The following PCM1 variants were observed in gnomAD, a reference collection of about 807,000 sequenced individuals.
PCM1 encodes pericentriolar material 1, also known as pericentriolar material 1 protein.
PCM1 carries 157 observed loss-of-function variants against 241.9 expected under a neutral mutation model. That is an observed-to-expected ratio of 0.65 (90% CI 0.57 to 0.74). The LOEUF (loss-of-function observed/expected upper bound fraction) is 0.74, where lower values mean the gene tolerates loss of function less well. Ranked by LOEUF, PCM1 falls within the 30% of genes least tolerant of loss-of-function variation. PCM1 has a pLI of 0.00. For missense variants in PCM1, 3,478 were observed against 2,360.1 expected, an observed-to-expected ratio of 1.47 and a Z score of -9.81; for synonymous variants, 1,085 against 784.9, an observed-to-expected ratio of 1.38 and a Z score of -6.39.
chr8:17,923,808 C>T (rs1315795086), intron 1 of PCM1, among the ~76,000 whole-genome samples: 4 of 152,086 alleles, frequency 2.6e-5, no homozygotes, highest in Non-Finnish European at 5.9e-5. Context: ...TTCTTTCTCC[C>T]TTCCTACCTA....
At position 17,960,700 on chromosome 8, in the gene PCM1, A is replaced by G. The variant is rs751844775; in HGVS notation, c.2322+256A>G. 7.3e-4 allele frequency among the ~76,000 whole-genome samples: 111 copies of G among 151,438 alleles called. 1 individual carries two copies. The highest frequency in any genetic ancestry group is 1.5e-3 in the South Asian group (7 of 4,806). ...CCACCATGCCTGGCTAATTTTTTGT[A>G]TTTTTGGTAGAGACAGGGTTTCACA... On this transcript the variant is annotated intron_variant, in intron 15 of 38. Transcript: ENST00000325083.
intron 22 of PCM1, 38 bp downstream of exon 22, chr8:17,969,786 C>G (rs1361792671): frequency 6.9e-7 from 1 of 1,443,316 alleles, no homozygotes; most frequent in Non-Finnish European, 9.6e-7. Flanking sequence ...CTTAAACATT[C>G]ACTTTTGTGA....
chr8:17,972,564 A>G lies in PCM1; in HGVS notation c.3820A>G (p.Thr1274Ala), dbSNP rs2077199321. Residue 1274 changes from threonine to alanine, a missense_variant, in exon 23 of 39, where the codon ACT becomes GCT. Coordinates refer to ENST00000325083, the MANE Select transcript of PCM1 (RefSeq NM_006197.4). ...TGATCCAGTAGATCCAACAACAGTG[A>G]CTAAAACATTCAAGACAAGAAAAGC... ...MPDPVDPTTV[T>A]KTFKTRKASA... 6.2e-7 allele frequency: 1 copy of G among 1,613,744 alleles called. No homozygotes were observed. The highest frequency in any genetic ancestry group is 1.7e-5 in the Admixed American group (1 of 60,010).
At position 17,967,095 on chromosome 8, in the gene PCM1, C is replaced by G; in HGVS notation, c.3337C>G (p.Pro1113Ala). 1 of 1,607,890 alleles carries G rather than the reference C, an allele frequency of 6.2e-7. No homozygotes were observed. The highest frequency in any genetic ancestry group is 8.5e-7 in the Non-Finnish European group (1 of 1,176,892). The change falls in exon 21 of 39, where the codon CCT becomes GCT. Residue 1113 changes from proline (P) to alanine (A), a missense_variant. Coordinates refer to ENST00000325083, the MANE Select transcript of PCM1 (RefSeq NM_006197.4). ...SHPPSPSLFCPFSFPTQPVNL... is the reference protein window; with the variant it reads ...SHPPSPSLFCAFSFPTQPVNL... ...CCCTCCTTCTCCCAGTTTATTTTGT[C>G]CTTTCAGCTTTCCAACACAGCCTGT...
chr8:17,929,544 T>C (rs2058293757), intron 2 of PCM1, among the ~76,000 whole-genome samples: 1 of 152,188 alleles, frequency 6.6e-6, no homozygotes, highest in African/African-American at 2.4e-5. Context: ...CTCATCATCA[T>C]CCTCTCTCAA....
chr8:17,984,805 A>C (rs554537995), intron 24 of PCM1, among the ~76,000 whole-genome samples: 2 of 152,118 alleles, frequency 1.3e-5, no homozygotes, highest in East Asian at 1.9e-4. Context: ...AGATTCTGTG[A>C]AACTGAAAAC....
chr8:17,999,568 C>T (rs373832731), intron 29 of PCM1, among the ~76,000 whole-genome samples: 6 of 152,054 alleles, frequency 3.9e-5, no homozygotes, highest in Admixed American at 2.0e-4. Context: ...TCCTTGCTCT[C>T]GTCTCCTCAA....
chr8:17,982,490 GA>G (rs1280877270), intron 24 of PCM1: 33 of 127,830 alleles, frequency 2.6e-4, no homozygotes, highest in Admixed American at 1.9e-3. Flanking sequence ...ATTCTGAAAA[GA>G]TTAAAAAAAA....
intron 29 of PCM1, among the ~76,000 whole-genome samples, chr8:17,997,854 G>A (rs966610232): frequency 4.0e-5 from 6 of 149,126 alleles, no homozygotes; most frequent in East Asian, 2.0e-4. Flanking sequence ...GTGAAACCCC[G>A]CCTCTACTAC....
chr8:18,009,748 A>C lies in PCM1; in HGVS notation c.5160+4A>C, dbSNP rs2129485165. 3 of 1,418,612 alleles carry C rather than the reference A, an allele frequency of 2.1e-6. No individual in the cohort carries two copies. The South Asian group carries it at 5.5e-5, about 26-fold the overall frequency. 87.9% of individuals were successfully genotyped at this position (1,418,612 alleles called of 1,614,324 possible). A position where few individuals can be genotyped will look rare whatever the true frequency, so the allele number is the denominator to read the frequency against. On this transcript the variant is annotated splice_donor_region_variant and intron_variant, in intron 31 of 38. Transcript: ENST00000325083. The stretch of plus-strand genomic sequence containing the variant: ...GATACAATCTTGTGCCAAAGAGGTA[A>C]ATAACGTTCATTTTGATTTTTAGGA...
In PCM1 at chr8:17,939,756, T is replaced by C; in HGVS notation, c.678T>C (p.Leu226=). ...ITKASSMRED[L]VEKNERSANV... is the part of the protein sequence containing the mutation. Reference sequence around the variant, plus strand: ...AAGCTAGTTCCATGCGGGAAGATCTTGTAGAGAAAAATGAGAGATCTGCTA... The same window carrying C: ...AAGCTAGTTCCATGCGGGAAGATCTCGTAGAGAAAAATGAGAGATCTGCTA... Residue 226 remains leucine, a synonymous_variant, in exon 6 of 39, where the codon CTT becomes CTC. Transcript: ENST00000325083. 3 of 1,557,158 alleles carry C rather than the reference T, an allele frequency of 1.9e-6. No homozygotes were observed. Among genetic ancestry groups the C allele is most frequent in the Non-Finnish European group, 2.6e-6 (3 of 1,146,472 alleles).
At chr8:18,020,372 T>A (rs1185853507) in intron 36 of PCM1, among the ~76,000 whole-genome samples, 1 of 152,190 alleles carries the variant, frequency 6.6e-6, no homozygotes, top group South Asian at 2.1e-4. Flanking sequence ...ACACGTGCAG[T>A]TGAAAGCTCA....
At chr8:17,932,586 C>T (rs1035435465) in intron 2 of PCM1, among the ~76,000 whole-genome samples, 6 of 151,834 alleles carry the variant, frequency 4.0e-5, no homozygotes, top group African/African-American at 1.5e-4. Context: ...AACAAATTCT[C>T]TGTATAACAA....
chr8:18,018,838 ATGTGTGTGTG>A (rs150553994), intron 36 of PCM1, among the ~76,000 whole-genome samples: 1 of 122,912 alleles, frequency 8.1e-6, no homozygotes, highest in Non-Finnish European at 1.6e-5. Context: ...ATATATATAT[ATGTGTGTGTG>A]TGTGTATATA....
chr8:17,931,296 CTT>C (rs1229238796), intron 2 of PCM1, among the ~76,000 whole-genome samples: 3 of 145,624 alleles, frequency 2.1e-5, no homozygotes, highest in Admixed American at 6.9e-5. Flanking sequence ...CAGATATATT[CTT>C]TTTTTTTTTT....
chr8:17,941,867 C>T (rs1267878147), intron 6 of PCM1, among the ~76,000 whole-genome samples: 1 of 151,900 alleles, frequency 6.6e-6, no homozygotes. Context: ...TGGGAAGTCT[C>T]TAAATGAGCA....
chr8:17,966,994 T>A lies in PCM1; in HGVS notation c.3236T>A (p.Leu1079Gln), dbSNP rs2075124357. Residue 1079 changes from leucine to glutamine, a missense_variant, in exon 21 of 39, where the codon CTA becomes CAA. Leu to Gln is a moderately radical substitution (Grantham distance 113). Transcript: ENST00000325083. ...AATCTTTGTAGGTTGAAACAAATGCTAAATGAACTTATGCGCCAGCAAAAT... is the reference window on the plus strand; with the variant it reads ...AATCTTTGTAGGTTGAAACAAATGCAAAATGAACTTATGCGCCAGCAAAAT... ...QNNVQRLKQMLNELMRQQNQH... is the reference protein window; with the variant it reads ...QNNVQRLKQMQNELMRQQNQH... 1 of 1,604,752 alleles carries A rather than the reference T, an allele frequency of 6.2e-7. No homozygotes were observed. Among genetic ancestry groups the A allele is most frequent in the African/African-American group, 1.3e-5 (1 of 74,712 alleles).
At chr8:17,978,922 TATCAAAGGGACAAATA>T (rs1322037531) in intron 23 of PCM1, among the ~76,000 whole-genome samples, 1 of 152,206 alleles carries the variant, frequency 6.6e-6, no homozygotes, top group East Asian at 1.9e-4. Context: ...TAATTTATTC[TATCAAAGGGACAAATA>T]ATCATAGAAG....
intron 9 of PCM1, among the ~76,000 whole-genome samples, chr8:17,954,456 C>T (rs2067276986): frequency 6.7e-6 from 1 of 150,186 alleles, no homozygotes; most frequent in Non-Finnish European, 1.5e-5. Context: ...AAGAAAAAAA[C>T]AACTTAACAT....
Sources: allele counts gnomAD v4.1 joint callset (sites outside exome capture counted in the v4.1 genomes callset), GRCh38; gene constraint gnomAD v4.1.1; transcripts MANE v1.5; gene names NCBI Gene and HGNC (gene_info 2026-07-23, HGNC 2026-07-21).